Variants in PRKCQ observed in about 807,000 individuals in gnomAD.
PRKCQ encodes the protein protein kinase C theta type.
A neutral mutation model predicts 91.2 loss-of-function variants in PRKCQ; 41 were observed. That is an observed-to-expected ratio of 0.45 (90% confidence interval 0.35 to 0.58). The LOEUF (loss-of-function observed/expected upper bound fraction) is 0.58. Ranked by LOEUF, PRKCQ falls within the 20% of genes least tolerant of loss-of-function variation. The pLI is 0.00. For synonymous variants in PRKCQ, 307 were observed against 316.9 expected, an observed-to-expected ratio of 0.97 and a Z score of 0.33; for missense variants, 673 against 896.5, an observed-to-expected ratio of 0.75 and a Z score of 3.18.
At chr10:6,529,213 C>T (rs949703614) in intron 1 of PRKCQ, among the ~76,000 whole-genome samples, 1 of 152,202 alleles carries the variant, frequency 6.6e-6, no homozygotes, top group African/African-American at 2.4e-5. Flanking sequence ...TTGGGAGGAA[C>T]TCAGCCTCCC....
rs898188425 is a variant in PRKCQ, at chr10:6,576,508, A to T, written c.-10+3703T>A. ...CCCTAGAGCAGTCAGAATCTTAGAG[A>T]CAGGAAGTAGAAGGGTGGCTGCCAG... is the stretch of plus-strand genomic sequence containing the variant. On this transcript the variant is annotated intron_variant, in intron 1 of 17. Coordinates refer to ENST00000263125, the MANE Select transcript of PRKCQ (RefSeq NM_006257.5). This position sits in a 1 kb window ranked among gnomAD's most constrained non-coding sequence, Gnocchi z 4.2. 1.3e-5 allele frequency among the ~76,000 whole-genome samples: 2 copies of T among 152,202 alleles called. No individual in the cohort carries two copies. The highest frequency in any genetic ancestry group is 2.9e-5 in the Non-Finnish European group (2 of 68,038).
chr10:6,455,575 A>C (rs1834959766), intron 15 of PRKCQ, among the ~76,000 whole-genome samples: 1 of 152,188 alleles, frequency 6.6e-6, no homozygotes, highest in Non-Finnish European at 1.5e-5. Flanking sequence ...CTCCAATCAC[A>C]CGTTTATTAG....
In PRKCQ at chr10:6,507,500, G is replaced by T; in HGVS notation, c.319-4C>A. 1.4e-5 allele frequency: 22 copies of T among 1,612,860 alleles called. No individual in the cohort carries two copies. The highest frequency in any genetic ancestry group is 1.8e-5 in the Non-Finnish European group (21 of 1,178,944). ...GGCCTTGAGGTTTCAGCTCTAACTG[G>T]TTGGGAGAAGGAGAGAAACATCAGT... On this transcript the variant is annotated splice_region_variant and splice_polypyrimidine_tract_variant and intron_variant, in intron 3 of 17. Coordinates refer to ENST00000263125, the MANE Select transcript of PRKCQ (RefSeq NM_006257.5).
Position 6,485,276 on chromosome 10 carries a change from G to T in PRKCQ, c.901-7C>A. 6.2e-7 allele frequency: 1 copy of T among 1,611,464 alleles called. No homozygotes were observed. Among genetic ancestry groups the T allele is most frequent in the South Asian group, 1.1e-5 (1 of 90,970 alleles). On this transcript the variant is annotated splice_region_variant and splice_polypyrimidine_tract_variant and intron_variant, in intron 9 of 17. Transcript: ENST00000263125. The stretch of plus-strand genomic sequence containing the variant: ...TATCTCTTAAGCAGCGAGCCTGGAT[G>T]ACAAACAGAGAGTCAGACCACCCAC...
chr10:6,477,252 T>C (rs1462603687), intron 12 of PRKCQ, among the ~76,000 whole-genome samples: 1 of 152,218 alleles, frequency 6.6e-6, no homozygotes, highest in Non-Finnish European at 1.5e-5. Context: ...TTGACTCTTA[T>C]TAGAGTGTGA....
chr10:6,525,462 A>C (rs1839165906), intron 1 of PRKCQ, among the ~76,000 whole-genome samples: 1 of 152,050 alleles, frequency 6.6e-6, no homozygotes, highest in Non-Finnish European at 1.5e-5. Context: ...ATTGGCAAAA[A>C]CCACAATTAC....
At chr10:6,400,159 G>A in the PRKCQ span, among the ~76,000 whole-genome samples, 2 of 152,198 alleles carry the variant, frequency 1.3e-5, no homozygotes. Context: ...CTGACTTGGT[G>A]TTCTCTACCT....
At chr10:6,418,407 C>T in the PRKCQ span, among the ~76,000 whole-genome samples, 3 of 152,294 alleles carry the variant, frequency 2.0e-5, no homozygotes, top group African/African-American at 7.2e-5. Context: ...TCTGACGTCC[C>T]CAGGAGGTGG....
chr10:6,407,080 A>G, the PRKCQ span, among the ~76,000 whole-genome samples: 1 of 152,218 alleles, frequency 6.6e-6, no homozygotes, highest in African/African-American at 2.4e-5. This position sits in a 1 kb window ranked among gnomAD's most constrained non-coding sequence, Gnocchi z 4.0. Flanking sequence ...CACAAACCCA[A>G]AAAGAGCTAT....
intron 12 of PRKCQ, among the ~76,000 whole-genome samples, chr10:6,464,691 G>T (rs185732425): frequency 7.2e-5 from 11 of 152,224 alleles, no homozygotes; most frequent in Admixed American, 7.2e-4. Context: ...CAGGTGATCC[G>T]CCCACCTTGG....
In PRKCQ at chr10:6,511,102, G is replaced by C. The variant is rs1354679126; in HGVS notation, c.211C>G (p.Gln71Glu). 6.2e-7 allele frequency: 1 copy of C among 1,613,998 alleles called. No individual in the cohort carries two copies. Among genetic ancestry groups the C allele is most frequent in the East Asian group, 2.2e-5 (1 of 44,890 alleles). Reference protein sequence around the residue: ...DAHINKGRVMQIIVKGKNVDL... With the variant: ...DAHINKGRVMEIIVKGKNVDL... ...ACGTTTTTGCCTTTCACAATGATCT[G>C]CATGACTCTTCCCTTGTTGATATGG... Residue 71 changes from glutamine to glutamate, a missense_variant, in exon 3 of 18, where the codon CAG (glutamine) becomes GAG (glutamate). By Grantham distance (29) the Gln-to-Glu change is conservative (BLOSUM62 2). Coordinates refer to ENST00000263125, the MANE Select transcript of PRKCQ (RefSeq NM_006257.5).
chr10:6,446,357 G>GTTTTTTT (rs66839272), intron 15 of PRKCQ, among the ~76,000 whole-genome samples: 8 of 79,602 alleles, frequency 1.0e-4, no homozygotes, highest in Admixed American at 1.7e-4. Flanking sequence ...ACTATGCTCA[G>GTTTTTTT]TTTTTTTTTT....
intron 14 of PRKCQ, among the ~76,000 whole-genome samples, chr10:6,458,141 G>A (rs1434829145): frequency 1.3e-5 from 2 of 152,178 alleles, no homozygotes; most frequent in Non-Finnish European, 2.9e-5. Flanking sequence ...TCACTATGTT[G>A]CCAAGGCTGG....
At chr10:6,496,435 CT>C (rs1318819799) in intron 7 of PRKCQ, among the ~76,000 whole-genome samples, 1 of 152,100 alleles carries the variant, frequency 6.6e-6, no homozygotes, top group African/African-American at 2.4e-5. Context: ...AATTATGCCT[CT>C]GTTATTATCT....
intron 1 of PRKCQ, chr10:6,515,547 G>A: frequency 1.0e-6 from 1 of 971,770 alleles, no homozygotes; most frequent in African/African-American, 1.8e-5. Context: ...TATAGAGCGA[G>A]TCTATTTTAG....
At chr10:6,426,540 G>A (rs1413495339), downstream of PRKCQ, among the ~76,000 whole-genome samples, 1 of 152,108 alleles carries the variant, frequency 6.6e-6, no homozygotes, top group Non-Finnish European at 1.5e-5. Context: ...AAAGGGCCCG[G>A]ACACCTGAAT....
intron 8 of PRKCQ, 102 bp from the exon 9 acceptor site, chr10:6,486,246 G>A: frequency 1.1e-6 from 1 of 904,954 alleles, no homozygotes; most frequent in Non-Finnish European, 1.8e-6. Flanking sequence ...AGGGAGGAAA[G>A]CCTAAAGTGC....
intron 1 of PRKCQ, among the ~76,000 whole-genome samples, chr10:6,518,472 A>T (rs1838861040): frequency 6.6e-6 from 1 of 152,144 alleles, no homozygotes; most frequent in Non-Finnish European, 1.5e-5. Flanking sequence ...TTTGAGGAAA[A>T]ATTAACATTT....
the PRKCQ span, among the ~76,000 whole-genome samples, chr10:6,401,063 C>T: frequency 2.6e-5 from 4 of 152,302 alleles, no homozygotes; most frequent in South Asian, 6.2e-4. Context: ...TGCTTTTTCC[C>T]GTAAACGATT....
Sources: gnomAD v4.1 joint callset for allele counts (sites outside exome capture counted in the v4.1 genomes callset) on GRCh38, gnomAD v4.1.1 for gene constraint, Gnocchi (gnomAD v3.1) non-coding constraint, MANE v1.5 for transcripts, NCBI Gene and HGNC (gene_info 2026-07-23, HGNC 2026-07-21) for gene names.